PXDNL: variants seen among roughly 807,000 people sequenced by gnomAD.
PXDNL encodes the protein probable oxidoreductase PXDNL.
A neutral mutation model predicts 150.8 loss-of-function variants in PXDNL; 145 were observed. The ratio of observed to expected loss-of-function variants is 0.96; its 90% confidence interval spans 0.84 to 1.10. The LOEUF is 1.10. Among genes scored for constraint, PXDNL ranks in the 50% least tolerant of loss-of-function variants. PXDNL has a pLI of 0.00. For synonymous variants in PXDNL, 757 were observed against 725.7 expected (o/e 1.04, Z -0.69); for missense variants, 2,087 against 1,873.9 (o/e 1.11, Z -2.10).
intron 4 of PXDNL, among the ~76,000 whole-genome samples, chr8:51,521,500 G>A (rs950954192): frequency 4.6e-5 from 7 of 152,164 alleles, no homozygotes; most frequent in African/African-American, 1.7e-4. Context: ...TCCAAGAAAT[G>A]TGGGAAAATG....
At chr8:51,458,372 C>T (rs1415033798) in intron 8 of PXDNL, among the ~76,000 whole-genome samples, 1 of 152,140 alleles carries the variant, frequency 6.6e-6, no homozygotes, top group Non-Finnish European at 1.5e-5. Context: ...TGCAAAGCTA[C>T]TGACACAGAA....
At chr8:51,584,710 G>T (rs775044865) in intron 3 of PXDNL, among the ~76,000 whole-genome samples, 1 of 152,170 alleles carries the variant, frequency 6.6e-6, no homozygotes. Context: ...CAGAGTTTGA[G>T]GAGGTGATTG....
At chr8:51,344,983 G>A (rs957233042) in intron 20 of PXDNL, among the ~76,000 whole-genome samples, 2 of 152,024 alleles carry the variant, frequency 1.3e-5, no homozygotes, top group African/African-American at 4.8e-5. Flanking sequence ...TAGAGTACAG[G>A]GCCCATATAT....
chr8:51,505,363 C>T (rs947114932), intron 4 of PXDNL, among the ~76,000 whole-genome samples: 3 of 152,034 alleles, frequency 2.0e-5, no homozygotes, highest in East Asian at 1.9e-4. Flanking sequence ...TAGCTTTCAG[C>T]GTGAACTCAC....
chr8:51,628,367 C>A (rs1290541282), intron 2 of PXDNL, among the ~76,000 whole-genome samples: 1 of 142,522 alleles, frequency 7.0e-6, no homozygotes, highest in African/African-American at 2.6e-5. Context: ...TCTTTCTTTC[C>A]TTTTTCATCT....
At chr8:51,690,150 A>G (rs1815959984) in intron 1 of PXDNL, among the ~76,000 whole-genome samples, 1 of 152,116 alleles carries the variant, frequency 6.6e-6, no homozygotes, top group Non-Finnish European at 1.5e-5. Flanking sequence ...ATGTGGAAAA[A>G]AGTACTGTTT....
chr8:51,427,326 A>G (rs1809132637), intron 12 of PXDNL, among the ~76,000 whole-genome samples: 1 of 152,142 alleles, frequency 6.6e-6, no homozygotes, highest in African/African-American at 2.4e-5. Context: ...GTGTTTAAAA[A>G]ATTTAACAGG....
chr8:51,406,253 CA>C (rs1415668279), intron 17 of PXDNL, among the ~76,000 whole-genome samples: 1 of 152,210 alleles, frequency 6.6e-6, no homozygotes, highest in East Asian at 1.9e-4. Flanking sequence ...TTTTCCAATC[CA>C]GATAATCTAC....
chr8:51,771,866 A>G (rs944703061), intron 1 of PXDNL, among the ~76,000 whole-genome samples: 1 of 152,124 alleles, frequency 6.6e-6, no homozygotes, highest in Non-Finnish European at 1.5e-5. Context: ...CTACTGGTCC[A>G]CACACGTGGT....
In PXDNL at chr8:51,795,251, A is replaced by G. The variant is rs376026227; in HGVS notation, c.164+13930T>C. Among the ~76,000 whole-genome samples the G allele has an allele frequency of 6.6e-5, 10 of 152,190 alleles. No homozygotes were observed. The South Asian group carries it at 8.3e-4, about 13-fold the overall frequency. On this transcript the variant is annotated intron_variant, in intron 1 of 22. Transcript: ENST00000356297. ...GACAGATCATCAAGACAGAAAATTA[A>G]CTAGGATATTCAGGACTTGAACTCA...
At chr8:51,722,910 C>A (rs1025531881) in intron 1 of PXDNL, among the ~76,000 whole-genome samples, 1 of 151,774 alleles carries the variant, frequency 6.6e-6, no homozygotes, top group Non-Finnish European at 1.5e-5. Flanking sequence ...GGGGGTGGGG[C>A]CTTTGCCAGG....
intron 1 of PXDNL, among the ~76,000 whole-genome samples, chr8:51,780,671 T>C (rs1311028421): frequency 2.4e-4 from 35 of 145,132 alleles, no homozygotes; most frequent in Non-Finnish European, 3.0e-5. Flanking sequence ...TTTTTTTTTT[T>C]TTTTTGAGAT....
intron 8 of PXDNL, among the ~76,000 whole-genome samples, chr8:51,470,990 CT>C (rs1810315981): frequency 6.6e-6 from 1 of 150,996 alleles, no homozygotes; most frequent in South Asian, 2.1e-4. Context: ...CAAATGGGAT[CT>C]AGTTAAACTA....
intron 8 of PXDNL, among the ~76,000 whole-genome samples, chr8:51,460,727 C>G (rs1197510291): frequency 6.6e-6 from 1 of 151,888 alleles, no homozygotes; most frequent in African/African-American, 2.4e-5. Context: ...CAAGAGATCC[C>G]ACGACCCCCA....
intron 4 of PXDNL, among the ~76,000 whole-genome samples, chr8:51,531,492 C>G (rs1018512834): frequency 6.6e-6 from 1 of 152,202 alleles, no homozygotes; most frequent in Non-Finnish European, 1.5e-5. Flanking sequence ...GTGCAGAGAT[C>G]TCAGGCCCTC....
At chr8:51,690,187 T>A (rs1179965528) in intron 1 of PXDNL, among the ~76,000 whole-genome samples, 4 of 152,238 alleles carry the variant, frequency 2.6e-5, no homozygotes, top group Non-Finnish European at 4.4e-5. Context: ...ATTATTATTA[T>A]ACTTTAAGTT....
intron 1 of PXDNL, among the ~76,000 whole-genome samples, chr8:51,757,107 T>G (rs773176575): frequency 7.9e-5 from 12 of 152,214 alleles, no homozygotes; most frequent in Non-Finnish European, 1.5e-4. Flanking sequence ...ATTCACTTAA[T>G]CAAGAACCTA....
chr8:51,746,831 C>A (rs539650628), intron 1 of PXDNL, among the ~76,000 whole-genome samples: 1 of 152,294 alleles, frequency 6.6e-6, no homozygotes, highest in South Asian at 2.1e-4. Flanking sequence ...AGGTGATTCT[C>A]CCACCTCAGC....
chr8:51,723,949 G>T (rs1248302151), intron 1 of PXDNL, among the ~76,000 whole-genome samples: 1 of 152,158 alleles, frequency 6.6e-6, no homozygotes, highest in Non-Finnish European at 1.5e-5. Context: ...CGACTGTAAG[G>T]CAGGGGTGGA....
Sources: allele counts gnomAD v4.1 joint callset (sites outside exome capture counted in the v4.1 genomes callset), GRCh38; gene constraint gnomAD v4.1.1; transcripts MANE v1.5; gene names NCBI Gene and HGNC (gene_info 2026-07-23, HGNC 2026-07-21).